The following SNTG1 variants were observed in gnomAD, a reference collection of about 807,000 sequenced individuals.
The protein encoded by SNTG1 is syntrophin gamma 1, also known as gamma-1-syntrophin.
Under a neutral mutation model 74.7 loss-of-function variants are expected in SNTG1, and 39 were observed. The ratio of observed to expected loss-of-function variants is 0.52; its 90% CI spans 0.40 to 0.68. The LOEUF is 0.68. SNTG1 is among the 30% of genes least tolerant of loss of function. The pLI is 0.00. For missense variants in SNTG1, 685 were observed against 609.5 expected (o/e 1.12, Z -1.30); for synonymous variants, 254 against 217.1 (o/e 1.17, Z -1.49).
chr8:49,912,935 C>T (rs188368141), intron 1 of SNTG1, among the ~76,000 whole-genome samples: 1 of 152,298 alleles, frequency 6.6e-6, no homozygotes, highest in East Asian at 1.9e-4. Context: ...ATACATTTGT[C>T]AGTGAAATCC....
At chr8:50,057,323 G>A (rs1820108069) in intron 1 of SNTG1, among the ~76,000 whole-genome samples, 1 of 152,136 alleles carries the variant, frequency 6.6e-6, no homozygotes, top group Non-Finnish European at 1.5e-5. Context: ...GATGCATGAA[G>A]ACACAATGGG....
chr8:50,659,848 C>CT lies in SNTG1; in HGVS notation c.1038+1193dup, dbSNP rs372861379. On this transcript the variant is annotated intron_variant, in intron 15 of 18. Coordinates refer to ENST00000642720, the MANE Select transcript of SNTG1 (RefSeq NM_018967.5). ...CCAAAATGGCTAATGAGATAGCTTT[C>CT]TTTTTTTTGGAGATGGAGTCTTGCT... Among the ~76,000 whole-genome samples, 394 of 152,092 alleles carry CT rather than the reference C, an allele frequency of 2.6e-3. 3 individuals are homozygous for CT. The highest frequency in any genetic ancestry group is 9.1e-3 in the African/African-American group (378 of 41,514).
intron 2 of SNTG1, among the ~76,000 whole-genome samples, chr8:50,179,805 A>G (rs2083135210): frequency 6.6e-6 from 1 of 152,164 alleles, no homozygotes; most frequent in Admixed American, 6.6e-5. Context: ...GTGTGGAGGG[A>G]AGGAAACCCT....
intron 2 of SNTG1, among the ~76,000 whole-genome samples, chr8:50,336,356 A>G (rs1306671961): frequency 2.0e-5 from 3 of 152,164 alleles, no homozygotes; most frequent in Non-Finnish European, 4.4e-5. Flanking sequence ...GTTTCTGTGC[A>G]CTGCCTGCTG....
At chr8:50,767,492 C>T (rs2095616680) in intron 18 of SNTG1, among the ~76,000 whole-genome samples, 1 of 151,988 alleles carries the variant, frequency 6.6e-6, no homozygotes, top group South Asian at 2.1e-4. Context: ...TACTTCATTA[C>T]TCAGAAAGCT....
At chr8:50,220,881 G>A (rs2085031404) in intron 2 of SNTG1, among the ~76,000 whole-genome samples, 2 of 152,180 alleles carry the variant, frequency 1.3e-5, no homozygotes, top group African/African-American at 2.4e-5. Context: ...AACCAACACA[G>A]TGTTTACTCC....
chr8:50,457,521 T>C (rs1436303173), intron 8 of SNTG1, among the ~76,000 whole-genome samples: 1 of 152,182 alleles, frequency 6.6e-6, no homozygotes, highest in Non-Finnish European at 1.5e-5. Flanking sequence ...TTTTTACTTC[T>C]CTCCCCTTTT....
intron 8 of SNTG1, among the ~76,000 whole-genome samples, chr8:50,480,619 A>G (rs555173530): frequency 4.7e-4 from 71 of 152,340 alleles, no homozygotes; most frequent in Admixed American, 1.6e-3. Flanking sequence ...TAACAACATA[A>G]AAAAGTCCAC....
At chr8:50,779,872 G>A (rs954758170) in intron 18 of SNTG1, among the ~76,000 whole-genome samples, 17 of 151,650 alleles carry the variant, frequency 1.1e-4, no homozygotes, top group African/African-American at 3.6e-4. Flanking sequence ...TTTGAGATAT[G>A]TCCCATCAAT....
Position 50,002,532 on chromosome 8 carries a change from A to T in SNTG1, c.-103+90301A>T, listed in dbSNP as rs72639827. On this transcript the variant is annotated intron_variant, in intron 1 of 18. Transcript: ENST00000642720. ...ATAAGCACAATTTTAATATTTTATT[A>T]CTTTTTTCTTTATTTTAGAAAGAAA... is the stretch of plus-strand genomic sequence containing the variant. Among the ~76,000 whole-genome samples, 664 of 152,264 alleles carry T rather than the reference A, an allele frequency of 4.4e-3. 2 individuals are homozygous for T. Among genetic ancestry groups the T allele is most frequent in the Middle Eastern group, 0.01 (3 of 294 alleles).
At chr8:50,362,873 A>T (rs971802482) in intron 2 of SNTG1, among the ~76,000 whole-genome samples, 1 of 152,164 alleles carries the variant, frequency 6.6e-6, no homozygotes, top group Non-Finnish European at 1.5e-5. Flanking sequence ...CAAAACATGA[A>T]TGGGCCATAT....
intron 1 of SNTG1, among the ~76,000 whole-genome samples, chr8:49,951,693 G>T (rs961633561): frequency 2.0e-5 from 3 of 151,052 alleles, no homozygotes; most frequent in East Asian, 3.9e-4. Flanking sequence ...CACCAGCATG[G>T]CACATGTATA....
At chr8:50,538,376 T>A (rs1010877276) in intron 11 of SNTG1, among the ~76,000 whole-genome samples, 1 of 152,142 alleles carries the variant, frequency 6.6e-6, no homozygotes, top group African/African-American at 2.4e-5. Flanking sequence ...TCAAAGCTTC[T>A]TTTACCGCTT....
intron 2 of SNTG1, among the ~76,000 whole-genome samples, chr8:50,217,396 C>CA (rs1351973862): frequency 7.9e-5 from 12 of 152,136 alleles, no homozygotes; most frequent in African/African-American, 2.2e-4. Context: ...ATGTCAGAAT[C>CA]AATCTTAAAA....
chr8:50,678,093 C>T (rs1035191248), intron 15 of SNTG1, among the ~76,000 whole-genome samples: 30 of 150,518 alleles, frequency 2.0e-4, no homozygotes, highest in African/African-American at 7.1e-4. Context: ...TATCCCGGAA[C>T]TTAAAGTAAA....
At chr8:50,776,123 T>C (rs141971189) in intron 18 of SNTG1, among the ~76,000 whole-genome samples, 1 of 151,348 alleles carries the variant, frequency 6.6e-6, no homozygotes, top group Admixed American at 6.6e-5. Flanking sequence ...GACATATTTA[T>C]AATTATATAT....
chr8:50,108,467 T>C (rs2080463518), intron 1 of SNTG1, among the ~76,000 whole-genome samples: 1 of 152,118 alleles, frequency 6.6e-6, no homozygotes, highest in Non-Finnish European at 1.5e-5. Context: ...AAAAACAATA[T>C]TGAGAGTGAA....
intron 12 of SNTG1, among the ~76,000 whole-genome samples, chr8:50,570,593 T>TGTTATTATTATG (rs1442297206): frequency 1.4e-5 from 2 of 139,560 alleles, no homozygotes; most frequent in Admixed American, 1.4e-4. Context: ...TTATTGTTGT[T>TGTTATTATTATG]ATTATTATTA....
chr8:50,307,043 G>A (rs1182823872), intron 2 of SNTG1, among the ~76,000 whole-genome samples: 1 of 151,872 alleles, frequency 6.6e-6, no homozygotes, highest in Admixed American at 6.6e-5. Context: ...CAATATTCCT[G>A]TATATAGTTA....
Sources: gnomAD v4.1 joint callset for allele counts (sites outside exome capture counted in the v4.1 genomes callset) on GRCh38, gnomAD v4.1.1 for gene constraint, MANE v1.5 for transcripts, NCBI Gene and HGNC (gene_info 2026-07-23, HGNC 2026-07-21) for gene names.